Variants in BRINP3 observed in about 807,000 individuals in gnomAD.
BRINP3 encodes BMP/retinoic acid-inducible neural-specific protein 3.
A neutral mutation model predicts 71.0 loss-of-function variants in BRINP3; 19 were observed. The ratio of observed to expected loss-of-function variants is 0.27; its 90% CI spans 0.19 to 0.39. The LOEUF (loss-of-function observed/expected upper bound fraction) is 0.39, where lower values mean the gene tolerates loss of function less well. Among genes scored for constraint, BRINP3 ranks in the 10% least tolerant of loss-of-function variants. The pLI is 1.00. For synonymous variants in BRINP3, 380 were observed against 337.7 expected (o/e 1.13, Z -1.37); for missense variants, 959 against 940.8 (o/e 1.02, Z -0.25).
intron 3 of BRINP3, among the ~76,000 whole-genome samples, chr1:190,277,917 C>T (rs1019901697): frequency 2.6e-5 from 4 of 151,344 alleles, no homozygotes; most frequent in African/African-American, 4.8e-5. Flanking sequence ...AGTCTGGTAG[C>T]TATAAAATGA....
In BRINP3 at chr1:190,297,663, G is replaced by A. The variant is rs184567608; in HGVS notation, c.237-15913C>T. 3.4e-4 allele frequency among the ~76,000 whole-genome samples: 52 copies of A among 151,374 alleles called. 1 individual carries two copies. The East Asian group carries it at 3.9e-3, about 11-fold the overall frequency. ...CATTTTATTTTTTCTTCTTTACACC[G>A]TTCATATTATGGATTATTCTAATTT... On this transcript the variant is annotated intron_variant, in intron 2 of 7. Coordinates refer to ENST00000367462, the MANE Select transcript of BRINP3 (RefSeq NM_199051.3).
intron 7 of BRINP3, among the ~76,000 whole-genome samples, chr1:190,159,146 A>G (rs1334216501): frequency 3.3e-5 from 5 of 152,106 alleles, no homozygotes; most frequent in African/African-American, 1.2e-4. Context: ...GTCATTAGGG[A>G]AATTTAAATC....
intron 7 of BRINP3, among the ~76,000 whole-genome samples, chr1:190,153,672 A>G (rs908149582): frequency 6.6e-6 from 1 of 152,176 alleles, no homozygotes; most frequent in Admixed American, 6.6e-5. Context: ...TATAAATGCA[A>G]TTTTTAACTA....
At chr1:190,107,545 A>T (rs1652280104) in intron 7 of BRINP3, among the ~76,000 whole-genome samples, 1 of 151,992 alleles carries the variant, frequency 6.6e-6, no homozygotes, top group South Asian at 2.1e-4. Flanking sequence ...CTTATTTGTA[A>T]TTAAGCCCAC....
intron 2 of BRINP3, among the ~76,000 whole-genome samples, chr1:190,376,419 C>T (rs1375182746): frequency 1.3e-5 from 2 of 152,004 alleles, no homozygotes; most frequent in Non-Finnish European, 1.5e-5. Context: ...ATCAGGCTAT[C>T]ATCTGTCTGC....
At position 190,098,568 on chromosome 1, in the gene BRINP3, C is replaced by T. The variant is rs763646037; in HGVS notation, c.1751G>A (p.Trp584Ter). ...NPFGGSHSES[W>*]FMPVNENSFP... ...GCTGTTTTCATTCACAGGCATAAAC[C>T]AGCTCTCAGAGTGGCTGCCTCCGAA... is the stretch of plus-strand genomic sequence containing the variant. Residue 584 changes from tryptophan to a stop codon, truncating the protein, a stop_gained, in exon 8 of 8, where the codon TGG (tryptophan) becomes TAG (stop). Transcript: ENST00000367462. LOFTEE classifies it high-confidence loss of function. 1 of 1,614,146 alleles carries T rather than the reference C, an allele frequency of 6.2e-7. No individual in the cohort carries two copies. Among genetic ancestry groups the T allele is most frequent in the Admixed American group, 1.7e-5 (1 of 60,018 alleles).
intron 7 of BRINP3, among the ~76,000 whole-genome samples, chr1:190,104,811 G>A (rs1340391737): frequency 1.3e-5 from 2 of 151,948 alleles, no homozygotes; most frequent in Non-Finnish European, 1.5e-5. Context: ...AATCTGCTCT[G>A]AGCAGTAATA....
At chr1:190,464,701 T>A (rs185682176) in intron 1 of BRINP3, among the ~76,000 whole-genome samples, 50 of 152,114 alleles carry the variant, frequency 3.3e-4, no homozygotes, top group Non-Finnish European at 2.5e-4. Context: ...TGCACTTTTT[T>A]ATTTTTCTAT....
chr1:190,447,422 C>T (rs1035830873), intron 2 of BRINP3, among the ~76,000 whole-genome samples: 66 of 145,706 alleles, frequency 4.5e-4, no homozygotes, highest in African/African-American at 1.6e-3. Flanking sequence ...TTTTTAATTT[C>T]TTAAATAAGA....
chr1:190,264,800 T>C (rs1365036421), intron 4 of BRINP3, 65 bp downstream of exon 4: 9 of 1,328,674 alleles, frequency 6.8e-6, no homozygotes, highest in Middle Eastern at 2.1e-4. Context: ...TACATAAAAA[T>C]GCCTTTTGGA....
intron 2 of BRINP3, among the ~76,000 whole-genome samples, chr1:190,375,645 A>T (rs1201728728): frequency 6.6e-6 from 1 of 151,964 alleles, no homozygotes; most frequent in Non-Finnish European, 1.5e-5. Context: ...TCACAAGTTC[A>T]TCACCTCATA....
At chr1:190,220,128 T>C (rs960650638) in intron 6 of BRINP3, among the ~76,000 whole-genome samples, 7 of 152,020 alleles carry the variant, frequency 4.6e-5, no homozygotes, top group Non-Finnish European at 1.0e-4. Context: ...TCAATCCCGA[T>C]AAGACTACCT....
intron 2 of BRINP3, among the ~76,000 whole-genome samples, chr1:190,442,574 T>A (rs1674897363): frequency 6.6e-6 from 1 of 152,112 alleles, no homozygotes. Flanking sequence ...CAAAAAGTAA[T>A]CACACACACG....
chr1:190,298,677 G>A (rs142878347), intron 2 of BRINP3, among the ~76,000 whole-genome samples: 2 of 152,038 alleles, frequency 1.3e-5, no homozygotes, highest in African/African-American at 4.8e-5. Context: ...CTTGAATTAT[G>A]GTCATAGAAT....
At position 190,176,981 on chromosome 1, in the gene BRINP3, T is replaced by C. The variant is rs574376087; in HGVS notation, c.962-16091A>G. 3.3e-5 allele frequency among the ~76,000 whole-genome samples: 5 copies of C among 152,238 alleles called. No homozygotes were observed. In the South Asian group the frequency reaches 1.0e-3, roughly 32 times the overall value. On this transcript the variant is annotated intron_variant, in intron 6 of 7. Transcript: ENST00000367462. ...GGCTTTGCTTCTTAACCTCTTTCTA[T>C]GGAGCTAAAATTGCATGGGGCAAAT...
chr1:190,416,756 A>C (rs1373771229), intron 2 of BRINP3, among the ~76,000 whole-genome samples: 1 of 152,188 alleles, frequency 6.6e-6, no homozygotes, highest in Non-Finnish European at 1.5e-5. Flanking sequence ...CTTGCAAATA[A>C]GTAAACAAAG....
At chr1:190,358,804 A>G (rs1043248174) in intron 2 of BRINP3, among the ~76,000 whole-genome samples, 15 of 152,200 alleles carry the variant, frequency 9.9e-5, no homozygotes, top group Admixed American at 9.8e-4. Context: ...AATGTGGCAC[A>G]TATACACCAT....
intron 2 of BRINP3, among the ~76,000 whole-genome samples, chr1:190,329,864 G>A (rs892735558): frequency 6.6e-6 from 1 of 151,638 alleles, no homozygotes; most frequent in Non-Finnish European, 1.5e-5. Context: ...GATCTTCAAT[G>A]AACTCATTAA....
chr1:190,401,073 G>A (rs894251905), intron 2 of BRINP3, among the ~76,000 whole-genome samples: 1 of 152,112 alleles, frequency 6.6e-6, no homozygotes, highest in Non-Finnish European at 1.5e-5. Context: ...TATGCCTGGT[G>A]TAGCACAGAG....
Sources: gnomAD v4.1 joint callset for allele counts (sites outside exome capture counted in the v4.1 genomes callset) on GRCh38, gnomAD v4.1.1 for gene constraint, MANE v1.5 for transcripts, NCBI Gene and HGNC (gene_info 2026-07-23, HGNC 2026-07-21) for gene names.